The following CCDC138 variants were observed in gnomAD, a reference collection of about 807,000 sequenced individuals.
CCDC138 encodes the protein coiled-coil domain containing 138, also known as coiled-coil domain-containing protein 138.
CCDC138 carries 66 observed loss-of-function variants against 82.3 expected under a neutral mutation model. The observed-to-expected ratio is 0.80, with a 90% CI of 0.66 to 0.98. The LOEUF (loss-of-function observed/expected upper bound fraction) is 0.98, where lower values mean the gene tolerates loss of function less well. Ranked by LOEUF, CCDC138 falls within the 50% of genes least tolerant of loss-of-function variation. The pLI, the probability that CCDC138 is intolerant of heterozygous loss-of-function variation, is 0.00. For missense variants in CCDC138, 816 were observed against 758.9 expected (o/e 1.08, Z -0.88); for synonymous variants, 297 against 265.4 (o/e 1.12, Z -1.16).
chr2:108,880,948 G>A (rs558707111), downstream of CCDC138, among the ~76,000 whole-genome samples: 18 of 152,302 alleles, frequency 1.2e-4, no homozygotes, highest in South Asian at 3.5e-3. Context: ...ATTCATGAGA[G>A]AAGTTCAAAA....
At chr2:108,791,567 T>A (rs756055853) in intron 3 of CCDC138, 108 bp from the exon 4 acceptor site, 269 of 1,316,032 alleles carry the variant, frequency 2.0e-4, no homozygotes, top group Non-Finnish European at 2.8e-4. Context: ...TAAAAAATGT[T>A]TTTACATTTT....
Position 108,829,657 on chromosome 2 carries a change from A to C in CCDC138, c.1207-9528A>C, listed in dbSNP as rs146975559. 1.9e-3 allele frequency among the ~76,000 whole-genome samples: 285 copies of C among 152,312 alleles called. 3 individuals carry two copies. Among genetic ancestry groups the C allele is most frequent in the African/African-American group, 6.6e-3 (276 of 41,572 alleles). ...GCTACTTGGGAGGCTGAGGCATGGG[A>C]ATCGCTTGAACCTGGGAGGCAGAGG... On this transcript the variant is annotated intron_variant, in intron 10 of 14. Coordinates refer to ENST00000295124, the MANE Select transcript of CCDC138 (RefSeq NM_144978.3).
Position 108,786,794 on chromosome 2 carries a change from CG to C in CCDC138, c.-25del. 3.2e-6 allele frequency: 5 copies of C among 1,563,236 alleles called. No individual in the cohort carries two copies. Among genetic ancestry groups the C allele is most frequent in the Middle Eastern group, 3.4e-4 (2 of 5,868 alleles). ...CCGCGGGTTTGATGAACGCGGTTCCCGGGGAGACTGGTACGGTTGCTGTGTG... is the reference window on the plus strand; with the variant it reads ...CCGCGGGTTTGATGAACGCGGTTCCCGGGAGACTGGTACGGTTGCTGTGTG... On this transcript the variant is annotated 5_prime_UTR_variant, in exon 1 of 15. Transcript: ENST00000295124.
At chr2:108,869,803 G>A (rs528808230) in intron 13 of CCDC138, among the ~76,000 whole-genome samples, 32 of 152,304 alleles carry the variant, frequency 2.1e-4, no homozygotes, top group African/African-American at 7.7e-4. Flanking sequence ...TGCTTGATAA[G>A]TAGTGAAGGC....
intron 12 of CCDC138, among the ~76,000 whole-genome samples, chr2:108,850,825 A>T (rs1447754538): frequency 2.6e-5 from 4 of 151,852 alleles, no homozygotes; most frequent in African/African-American, 9.7e-5. Context: ...CTCCCACATG[A>T]CAATAATCAT....
intron 3 of CCDC138, chr2:108,791,474 A>G (rs896451945): frequency 3.4e-6 from 2 of 591,554 alleles, no homozygotes; most frequent in East Asian, 7.4e-5. Flanking sequence ...ATGTGTAGAA[A>G]AAGATGCTTG....
At position 108,804,902 on chromosome 2, in the gene CCDC138, A is replaced by G. The variant is rs148294176; in HGVS notation, c.749A>G (p.Glu250Gly). 3 of 1,559,348 alleles carry G rather than the reference A, an allele frequency of 1.9e-6. No individual in the cohort carries two copies. The African/African-American group carries it at 4.2e-5, about 22-fold the overall frequency. ...FQIIKEQHDAEVEHLTEVLKE... is the reference protein window; with the variant it reads ...FQIIKEQHDAGVEHLTEVLKE... ...TTCTCCTCCTAGCAGCATGATGCAG[A>G]AGTTGAACACTTAACCGAAGTTCTT... is the stretch of plus-strand genomic sequence containing the variant. Residue 250 changes from glutamate to glycine, a missense_variant, in exon 7 of 15, where the codon GAA becomes GGA. Physicochemically the swap from Glu to Gly is moderately conservative, Grantham distance 98 (BLOSUM62 -2). Transcript: ENST00000295124.
chr2:108,846,147 T>C (rs924882520), intron 11 of CCDC138, among the ~76,000 whole-genome samples: 4 of 152,172 alleles, frequency 2.6e-5, no homozygotes, highest in East Asian at 3.9e-4. Context: ...CTGGTTTTCA[T>C]TGATGGTGGA....
At chr2:108,877,105 T>C (rs1696071295), downstream of CCDC138, among the ~76,000 whole-genome samples, 1 of 152,188 alleles carries the variant, frequency 6.6e-6, no homozygotes, top group South Asian at 2.1e-4. Flanking sequence ...TGTGCCATTT[T>C]TGAAGTAGAA....
At chr2:108,837,321 A>G (rs1383119112) in intron 10 of CCDC138, among the ~76,000 whole-genome samples, 1 of 152,192 alleles carries the variant, frequency 6.6e-6, no homozygotes, top group South Asian at 2.1e-4. Flanking sequence ...CATTTTGTTA[A>G]AATGGTATAT....
intron 2 of CCDC138, among the ~76,000 whole-genome samples, chr2:108,788,466 C>G (rs1314731314): frequency 6.6e-6 from 1 of 151,388 alleles, no homozygotes; most frequent in Non-Finnish European, 1.5e-5. Context: ...CGCCTGTAAT[C>G]CCAGCACTTT....
intron 13 of CCDC138, among the ~76,000 whole-genome samples, chr2:108,873,127 T>C (rs2105251077): frequency 6.6e-6 from 1 of 152,332 alleles, no homozygotes; most frequent in South Asian, 2.1e-4. Flanking sequence ...TTGCTAATTA[T>C]AGTATTTAAA....
chr2:108,867,603 T>G (rs904732725), intron 13 of CCDC138, among the ~76,000 whole-genome samples: 1 of 151,846 alleles, frequency 6.6e-6, no homozygotes, highest in Non-Finnish European at 1.5e-5. Context: ...TTCACACCAT[T>G]CCTCCTTCCA....
chr2:108,841,387 T>C (rs1432552445), intron 11 of CCDC138, among the ~76,000 whole-genome samples: 1 of 152,176 alleles, frequency 6.6e-6, no homozygotes. Context: ...TAATTGTAGA[T>C]TTATATGTTA....
At position 108,798,524 on chromosome 2, in the gene CCDC138, G is replaced by T. The variant is rs1681292554; in HGVS notation, c.673G>T (p.Ala225Ser). 5 of 1,613,824 alleles carry T rather than the reference G, an allele frequency of 3.1e-6. No homozygotes were observed. The African/African-American group carries it at 6.7e-5, about 22-fold the overall frequency. Residue 225 changes from alanine to serine, a missense_variant, in exon 6 of 15, where the codon GCC becomes TCC. Coordinates refer to ENST00000295124, the MANE Select transcript of CCDC138 (RefSeq NM_144978.3). ...ACAACTGCTTTTCAGACATGAAAATGCCTTGAGTAAAATTAAAGGTGTTGA... is the reference window on the plus strand; with the variant it reads ...ACAACTGCTTTTCAGACATGAAAATTCCTTGAGTAAAATTAAAGGTGTTGA... ...REQLLFRHEN[A>S]LSKIKGVEEE... is the part of the protein sequence containing the mutation.
At chr2:108,854,646 A>C (rs1462601387) in intron 12 of CCDC138, among the ~76,000 whole-genome samples, 1 of 152,094 alleles carries the variant, frequency 6.6e-6, no homozygotes, top group African/African-American at 2.4e-5. Flanking sequence ...TTTATTTACC[A>C]GCTCACAATT....
At chr2:108,786,956 C>A in intron 1 of CCDC138, 41 bp downstream of exon 1, 1 of 1,383,152 alleles carries the variant, frequency 7.2e-7, no homozygotes, top group Non-Finnish European at 9.6e-7. Context: ...GCTCCTGCTG[C>A]TGGGGGGCGG....
chr2:108,818,763 A>G (rs528795090), intron 10 of CCDC138, among the ~76,000 whole-genome samples: 1 of 152,188 alleles, frequency 6.6e-6, no homozygotes, highest in South Asian at 2.1e-4. Flanking sequence ...ATACTAGTAT[A>G]ACTCAAAATA....
At chr2:108,871,798 TAA>T (rs1695297487) in intron 13 of CCDC138, among the ~76,000 whole-genome samples, 1 of 152,244 alleles carries the variant, frequency 6.6e-6, no homozygotes, top group Admixed American at 6.5e-5. Flanking sequence ...TTCTGATTTT[TAA>T]AAGTGATATT....
Sources: gnomAD v4.1 joint callset for allele counts (sites outside exome capture counted in the v4.1 genomes callset) on GRCh38, gnomAD v4.1.1 for gene constraint, MANE v1.5 for transcripts, NCBI Gene and HGNC (gene_info 2026-07-23, HGNC 2026-07-21) for gene names.